The following PPFIA2 variants were observed in gnomAD, a reference collection of about 807,000 sequenced individuals.
PPFIA2 encodes the protein liprin-alpha-2.
PPFIA2 carries 46 observed loss-of-function variants against 175.5 expected under a neutral mutation model. The observed-to-expected ratio is 0.26, with a 90% CI of 0.21 to 0.34. The LOEUF (loss-of-function observed/expected upper bound fraction) is 0.34. Ranked by LOEUF, PPFIA2 falls within the 10% of genes least tolerant of loss-of-function variation. The pLI, the probability that PPFIA2 is intolerant of heterozygous loss-of-function variation, is 1.00. For missense variants in PPFIA2, 1,179 were observed against 1,506.1 expected (o/e 0.78, Z 3.60); for synonymous variants, 568 against 511.4 (o/e 1.11, Z -1.49).
At chr12:81,675,685 A>G (rs1211278828) in intron 4 of PPFIA2, 5 of 152,034 alleles carry the variant, frequency 3.3e-5, no homozygotes, top group East Asian at 1.9e-4. Context: ...ATTACATCAC[A>G]TAAGCACTCA....
At chr12:81,590,985 G>C (rs1595370198) in intron 4 of PPFIA2, among the ~76,000 whole-genome samples, 1 of 152,158 alleles carries the variant, frequency 6.6e-6, no homozygotes, top group African/African-American at 2.4e-5. Context: ...ACAGTTTGGA[G>C]GGCTCAGAAG....
intron 17 of PPFIA2, among the ~76,000 whole-genome samples, chr12:81,348,395 T>C (rs924567348): frequency 2.6e-5 from 4 of 152,122 alleles, no homozygotes; most frequent in Non-Finnish European, 5.9e-5. Flanking sequence ...TGTGAAAATA[T>C]AGTTATATAG....
chr12:81,669,158 G>C (rs1036459735), intron 4 of PPFIA2, among the ~76,000 whole-genome samples: 4 of 151,240 alleles, frequency 2.6e-5, no homozygotes, highest in African/African-American at 9.7e-5. Context: ...GGTTTCCCTG[G>C]GTCCTATTTC....
intron 14 of PPFIA2, 130 bp from the exon 15 acceptor site, chr12:81,362,914 A>G (rs1437844717): frequency 2.0e-5 from 10 of 512,572 alleles, no homozygotes; most frequent in Non-Finnish European, 3.3e-5. Flanking sequence ...ATTACACATA[A>G]TAATAAAGCA....
chr12:81,338,297 T>A (rs2057440797), intron 21 of PPFIA2, among the ~76,000 whole-genome samples: 1 of 152,070 alleles, frequency 6.6e-6, no homozygotes, highest in South Asian at 2.1e-4. Flanking sequence ...CCCAATAATA[T>A]AACTCTAAAA....
At chr12:81,759,050 A>G (rs1200679612) in intron 1 of PPFIA2, among the ~76,000 whole-genome samples, 2 of 152,124 alleles carry the variant, frequency 1.3e-5, no homozygotes, top group Non-Finnish European at 2.9e-5. Flanking sequence ...TGCAAAAAGC[A>G]GGACAGGTCT....
chr12:81,685,873 A>T (rs1341029281), intron 3 of PPFIA2, among the ~76,000 whole-genome samples: 1 of 152,060 alleles, frequency 6.6e-6, no homozygotes. Context: ...GCATTTACTG[A>T]AACACACACC....
chr12:81,405,334 A>G (rs1416518837), intron 8 of PPFIA2, among the ~76,000 whole-genome samples: 1 of 152,208 alleles, frequency 6.6e-6, no homozygotes, highest in Non-Finnish European at 1.5e-5. Flanking sequence ...TTTCGCAGTC[A>G]TAAACAACAA....
chr12:81,380,229 G>T (rs1405054586), intron 9 of PPFIA2, among the ~76,000 whole-genome samples: 1 of 152,048 alleles, frequency 6.6e-6, no homozygotes, highest in East Asian at 1.9e-4. Flanking sequence ...TCCAGACATC[G>T]TGACATGTGC....
intron 9 of PPFIA2, among the ~76,000 whole-genome samples, chr12:81,379,726 T>C (rs529941064): frequency 6.6e-6 from 1 of 152,188 alleles, no homozygotes; most frequent in African/African-American, 2.4e-5. Context: ...GGAGTTTTGT[T>C]TGAAGACAAA....
Position 81,384,215 on chromosome 12 carries a change from G to T in PPFIA2, c.792C>A (p.Thr264=), listed in dbSNP as rs377170926. ...GTTCAACTATTTGACTAGTTTCATC[G>T]GTTGAGTCTATAGAACCATTGGACA... ...KRLSNGSIDS[T]DETSQIVELQ... is the part of the protein sequence containing the mutation. The change falls in exon 9 of 33, where the codon ACC becomes ACA. Residue 264 remains threonine (T), a synonymous_variant. Transcript: ENST00000549396. 14 of 1,598,866 alleles carry T rather than the reference G, an allele frequency of 8.8e-6. No homozygotes were observed. Among genetic ancestry groups the T allele is most frequent in the African/African-American group, 4.0e-5 (3 of 74,588 alleles).
chr12:81,663,888 A>T, intron 4 of PPFIA2, among the ~76,000 whole-genome samples: 1 of 152,200 alleles, frequency 6.6e-6, no homozygotes, highest in Non-Finnish European at 1.5e-5. Context: ...AATGCCACAC[A>T]TCTACAACCA....
At chr12:81,553,039 G>A (rs1387819837) in intron 4 of PPFIA2, among the ~76,000 whole-genome samples, 1 of 151,810 alleles carries the variant, frequency 6.6e-6, no homozygotes, top group East Asian at 1.9e-4. Context: ...TCCCCCTAAT[G>A]AAAGAGCCAC....
At chr12:81,679,870 T>C (rs940290235) in intron 3 of PPFIA2, among the ~76,000 whole-genome samples, 1 of 151,970 alleles carries the variant, frequency 6.6e-6, no homozygotes, top group Non-Finnish European at 1.5e-5. Context: ...GATACATTTA[T>C]GTTGTAAAAT....
intron 9 of PPFIA2, among the ~76,000 whole-genome samples, chr12:81,379,777 C>T (rs1187813418): frequency 2.6e-5 from 4 of 151,806 alleles, no homozygotes; most frequent in Non-Finnish European, 4.4e-5. Context: ...TCTTTTTTGA[C>T]AAAGAAAAAT....
chr12:81,413,754 T>C (rs1194977875), intron 7 of PPFIA2, among the ~76,000 whole-genome samples: 1 of 151,814 alleles, frequency 6.6e-6, no homozygotes, highest in Non-Finnish European at 1.5e-5. Context: ...AATCGTTGTT[T>C]GTGGACAGAA....
chr12:81,341,268 C>A, intron 19 of PPFIA2, 60 bp from the exon 20 acceptor site: 3 of 1,520,728 alleles, frequency 2.0e-6, no homozygotes, highest in Non-Finnish European at 2.7e-6. Context: ...GAAATTGACA[C>A]AAATGGAGAA....
At chr12:81,695,812 T>C (rs1207345134) in intron 3 of PPFIA2, among the ~76,000 whole-genome samples, 1 of 152,198 alleles carries the variant, frequency 6.6e-6, no homozygotes, top group Non-Finnish European at 1.5e-5. Flanking sequence ...TTCTTCTGAA[T>C]GTTTTTGCAC....
intron 4 of PPFIA2, among the ~76,000 whole-genome samples, chr12:81,662,706 C>A (rs2069174487): frequency 6.6e-6 from 1 of 152,142 alleles, no homozygotes; most frequent in African/African-American, 2.4e-5. Flanking sequence ...TTTTATGAGG[C>A]CAGCATCATC....
Sources: allele counts gnomAD v4.1 joint callset (sites outside exome capture counted in the v4.1 genomes callset), GRCh38; gene constraint gnomAD v4.1.1; transcripts MANE v1.5; gene names NCBI Gene and HGNC (gene_info 2026-07-23, HGNC 2026-07-21).